The following SLC9B2 variants were observed in gnomAD, a reference collection of about 807,000 sequenced individuals.
The protein encoded by SLC9B2 is solute carrier family 9 member B2, also known as sodium/hydrogen exchanger 9B2.
Under a neutral mutation model 52.2 loss-of-function variants are expected in SLC9B2, and 39 were observed. That is an observed-to-expected ratio of 0.75 (90% CI 0.58 to 0.98). The LOEUF is 0.98. Ranked by LOEUF, SLC9B2 falls within the 50% of genes least tolerant of loss-of-function variation. The pLI is 0.00. For missense variants in SLC9B2, 626 were observed against 637.5 expected (o/e 0.98, Z 0.19); for synonymous variants, 214 against 227.0 (o/e 0.94, Z 0.51).
downstream of SLC9B2, among the ~76,000 whole-genome samples, chr4:103,020,919 C>A (rs1237809992): frequency 6.6e-6 from 1 of 152,222 alleles, no homozygotes; most frequent in African/African-American, 2.4e-5. Context: ...TGAGCCACCA[C>A]AGCCCTGCCC....
intron 4 of SLC9B2, among the ~76,000 whole-genome samples, chr4:103,050,650 T>C (rs1744594724): frequency 6.6e-6 from 1 of 152,230 alleles, no homozygotes; most frequent in Non-Finnish European, 1.5e-5. Context: ...ATAGAGAGTA[T>C]GATCAAATTC....
chr4:103,019,940 G>A (rs1003250104), downstream of SLC9B2: 1 of 987,856 alleles, frequency 1.0e-6, no homozygotes, highest in African/African-American at 1.7e-5. Flanking sequence ...CCAAAAAGCA[G>A]TGCTCGGGAC....
chr4:103,075,498 A>T (rs1040634333), intron 1 of SLC9B2, among the ~76,000 whole-genome samples: 3 of 152,154 alleles, frequency 2.0e-5, no homozygotes, highest in African/African-American at 4.8e-5. Context: ...ATGGTCAGAG[A>T]CTGATATGTG....
rs1311758431 is a variant in SLC9B2, at chr4:103,044,891, T to C, written c.995A>G (p.Gln332Arg). 9.9e-6 allele frequency: 16 copies of C among 1,610,334 alleles called. No homozygotes were observed. Among genetic ancestry groups the C allele is most frequent in the Non-Finnish European group, 1.4e-5 (16 of 1,177,020 alleles). The change falls in exon 8 of 12, where the codon CAG (glutamine) becomes CGG (arginine). Residue 332 changes from glutamine to arginine, a missense_variant and splice_region_variant. Coordinates refer to ENST00000394785, the MANE Select transcript of SLC9B2 (RefSeq NM_178833.7). ...FFIQYFPSRD[Q>R]DKLVCKRTFL... ...TTTCCCACATATTATTTCTTTCACC[T>C]GGTCACGGCTTGGAAAGTACTGAAT...
intron 1 of SLC9B2, among the ~76,000 whole-genome samples, chr4:103,074,922 GATTC>G (rs919310783): frequency 2.0e-5 from 3 of 152,070 alleles, no homozygotes; most frequent in Non-Finnish European, 4.4e-5. Context: ...CCTCTCTGAT[GATTC>G]ATTCATTCAT....
At chr4:103,021,785 A>G (rs1741812125), downstream of SLC9B2, among the ~76,000 whole-genome samples, 2 of 152,172 alleles carry the variant, frequency 1.3e-5, no homozygotes, top group African/African-American at 4.8e-5. Context: ...TCTCTTCATC[A>G]ATCTCAAGTG....
chr4:103,028,609 T>A, intron 11 of SLC9B2, 138 bp downstream of exon 11: 1 of 1,071,732 alleles, frequency 9.3e-7, no homozygotes, highest in Non-Finnish European at 1.3e-6. Context: ...TTTTAAAGAA[T>A]AGATTAGGAT....
rs774910136 is a variant in SLC9B2 at position 103,047,007 on chromosome 4, C to G, written c.889+44G>C. On this transcript the variant is annotated intron_variant, in intron 7 of 11. Transcript: ENST00000394785. ...TGCTTATAACATTTTAACCTACGTC[C>G]CTAGAATGCAAGAGTAAAGCCTGTT... The G allele has an allele frequency of 1.9e-6, 3 of 1,581,918 alleles. No homozygotes were observed. In the East Asian group the frequency reaches 6.7e-5, roughly 36 times the overall value.
At position 103,024,428 on chromosome 4, in the gene SLC9B2, T is replaced by C. The variant is rs1388112064; in HGVS notation, c.*1942A>G. Among the ~76,000 whole-genome samples the C allele has an allele frequency of 1.3e-5, 2 of 152,154 alleles. No individual in the cohort carries two copies. Among genetic ancestry groups the C allele is most frequent in the Non-Finnish European group, 2.9e-5 (2 of 68,028 alleles). On this transcript the variant is annotated 3_prime_UTR_variant, in exon 12 of 12. Transcript: ENST00000394785. ...TAAACATTAAAGGAATACAGCACCA[T>C]AGGGTAACCAAAGCAAAGTTGACAT...
intron 4 of SLC9B2, among the ~76,000 whole-genome samples, chr4:103,054,483 GC>G (rs1744952178): frequency 6.6e-6 from 1 of 152,152 alleles, no homozygotes; most frequent in African/African-American, 2.4e-5. Context: ...TAATTTTGAT[GC>G]AAGGGTCAGC....
At chr4:103,021,971 T>G (rs1741823814), downstream of SLC9B2, among the ~76,000 whole-genome samples, 2 of 152,340 alleles carry the variant, frequency 1.3e-5, no homozygotes, top group South Asian at 4.1e-4. Context: ...TTTCCTCAAC[T>G]TCTACACTAA....
chr4:103,035,386 A>G (rs1243120565), intron 9 of SLC9B2, among the ~76,000 whole-genome samples: 1 of 152,102 alleles, frequency 6.6e-6, no homozygotes, highest in Non-Finnish European at 1.5e-5. Context: ...TGTATCATTA[A>G]TGGGCATTTA....
chr4:103,050,370 G>A lies in SLC9B2; in HGVS notation c.455C>T (p.Ala152Val). ...PLPSLLGMLL[A>V]GFLIRNIPVI... ...TGGGATATTTCTGATGAGAAACCCT[G>A]CAAGCAGCATGCCTTGAACGAAGAA... Residue 152 changes from alanine to valine, a missense_variant, in exon 5 of 12, where the codon GCA becomes GTA. Ala to Val is a moderately conservative substitution (Grantham distance 64, BLOSUM62 0). Coordinates refer to ENST00000394785, the MANE Select transcript of SLC9B2 (RefSeq NM_178833.7). 1 of 1,594,390 alleles carries A rather than the reference G, an allele frequency of 6.3e-7. No homozygotes were observed. Among genetic ancestry groups the A allele is most frequent in the Non-Finnish European group, 8.5e-7 (1 of 1,173,030 alleles).
intron 4 of SLC9B2, among the ~76,000 whole-genome samples, chr4:103,052,150 C>T (rs530030196): frequency 6.6e-6 from 1 of 152,236 alleles, no homozygotes; most frequent in African/African-American, 2.4e-5. Flanking sequence ...GATTTTTCCA[C>T]TGATGGCAGG....
chr4:103,045,134 T>C, intron 7 of SLC9B2, 138 bp from the exon 8 acceptor site: 2 of 619,742 alleles, frequency 3.2e-6, no homozygotes, highest in South Asian at 2.5e-5. Context: ...TATTCTTAAA[T>C]ATGTAAGTGG....
chr4:103,021,396 C>T (rs75714853), downstream of SLC9B2, among the ~76,000 whole-genome samples: 1,042 of 151,974 alleles, frequency 6.9e-3, 6 homozygotes, highest in Non-Finnish European at 0.012. Flanking sequence ...CAGAGAGGTA[C>T]ATAAATGATT....
At position 103,072,634 on chromosome 4, in the gene SLC9B2, A is replaced by G. The variant is rs56937264; in HGVS notation, c.-43+3550T>C. 9.9e-3 allele frequency among the ~76,000 whole-genome samples: 1,513 copies of G among 152,336 alleles called. 20 individuals are homozygous for G. The highest frequency in any genetic ancestry group is 0.03 in the African/African-American group (1,252 of 41,576). ...GAAGAAATAAAGGAACTATCAACTTACAAATGTCCGTAGGCTCTCGGTCAA... is the reference window on the plus strand; with the variant it reads ...GAAGAAATAAAGGAACTATCAACTTGCAAATGTCCGTAGGCTCTCGGTCAA... On this transcript the variant is annotated intron_variant, in intron 1 of 11. Coordinates refer to ENST00000394785, the MANE Select transcript of SLC9B2 (RefSeq NM_178833.7).
At position 103,024,819 on chromosome 4, in the gene SLC9B2, T is replaced by A. The variant is rs189964166; in HGVS notation, c.*1551A>T. On this transcript the variant is annotated 3_prime_UTR_variant, in exon 12 of 12. Coordinates refer to ENST00000394785, the MANE Select transcript of SLC9B2 (RefSeq NM_178833.7). ...AGAGTGAAGAGGAACTTATGAGTGATACACAAAAGCAGAGATGGCCTGTTA... is the reference window on the plus strand; with the variant it reads ...AGAGTGAAGAGGAACTTATGAGTGAAACACAAAAGCAGAGATGGCCTGTTA... 1.2e-4 allele frequency among the ~76,000 whole-genome samples: 19 copies of A among 152,306 alleles called. No homozygotes were observed. Among genetic ancestry groups the A allele is most frequent in the Non-Finnish European group, 2.4e-4 (16 of 68,024 alleles).
rs181395413 is a variant in SLC9B2 at position 103,056,404 on chromosome 4, C to T, written c.442+1397G>A. ...CTGGGATTACAGGCACCCGCCACCA[C>T]GCCCAGCTAATTTTTTTATTTTTAG... On this transcript the variant is annotated intron_variant, in intron 4 of 11. Coordinates refer to ENST00000394785, the MANE Select transcript of SLC9B2 (RefSeq NM_178833.7). Among the ~76,000 whole-genome samples the T allele has an allele frequency of 3.0e-3, 461 of 152,188 alleles. 2 individuals carry two copies. The highest frequency in any genetic ancestry group is 8.2e-3 in the African/African-American group (339 of 41,522).
Sources: gnomAD v4.1 joint callset for allele counts (sites outside exome capture counted in the v4.1 genomes callset) on GRCh38, gnomAD v4.1.1 for gene constraint, MANE v1.5 for transcripts, NCBI Gene and HGNC (gene_info 2026-07-23, HGNC 2026-07-21) for gene names.